Variants in MYT1L observed in about 807,000 individuals in gnomAD.
MYT1L encodes myelin transcription factor 1 like, also known as myelin transcription factor 1-like protein.
A neutral mutation model predicts 126.7 loss-of-function variants in MYT1L; 12 were observed. That is an observed-to-expected ratio of 0.09 (90% CI 0.06 to 0.15). The LOEUF is 0.15. Among genes scored for constraint, MYT1L ranks in the 10% least tolerant of loss-of-function variants. The probability of loss-of-function intolerance (pLI) is 1.00; values close to 1 mark genes in which losing one functional copy is unlikely to be tolerated. For synonymous variants in MYT1L, 541 were observed against 604.2 expected (o/e 0.90, Z 1.53); for missense variants, 979 against 1,585.2 (o/e 0.62, Z 6.49).
chr2:2,085,215 G>T (rs1255027220), intron 3 of MYT1L, among the ~76,000 whole-genome samples: 1 of 152,146 alleles, frequency 6.6e-6, no homozygotes, highest in Admixed American at 6.5e-5. Context: ...TTGGCTTTCT[G>T]ATTATTCTGC....
intron 10 of MYT1L, among the ~76,000 whole-genome samples, chr2:1,920,456 G>A (rs1409118097): frequency 2.0e-5 from 3 of 152,006 alleles, no homozygotes; most frequent in South Asian, 2.1e-4. Flanking sequence ...ATTACTTCAC[G>A]CCCAAACTCC....
chr2:2,255,650 G>T (rs1179689368), intron 2 of MYT1L, among the ~76,000 whole-genome samples: 1 of 152,154 alleles, frequency 6.6e-6, no homozygotes, highest in Non-Finnish European at 1.5e-5. Context: ...AATGAAGGCT[G>T]GGCCGTCATC....
chr2:1,816,329 G>C (rs193240228), intron 21 of MYT1L: 1 of 152,658 alleles, frequency 6.6e-6, no homozygotes, highest in Non-Finnish European at 1.5e-5. Flanking sequence ...TGGGGAAACC[G>C]GACAGGCCCC....
chr2:1,928,535 C>T (rs557951399), intron 9 of MYT1L, among the ~76,000 whole-genome samples: 1 of 152,124 alleles, frequency 6.6e-6, no homozygotes, highest in Admixed American at 6.5e-5. Flanking sequence ...AGTTCTCACC[C>T]CAGGGCCTCC....
intron 18 of MYT1L, among the ~76,000 whole-genome samples, chr2:1,875,318 A>G (rs570089596): frequency 6.6e-6 from 1 of 152,276 alleles, no homozygotes; most frequent in South Asian, 2.1e-4. Flanking sequence ...TGGATTTCAG[A>G]AAACAGGGAG....
At chr2:2,167,937 A>G (rs963325176) in intron 3 of MYT1L, among the ~76,000 whole-genome samples, 2 of 152,260 alleles carry the variant, frequency 1.3e-5, no homozygotes, top group African/African-American at 4.8e-5. Context: ...CGTTATATAA[A>G]TGCATAGGTT....
At chr2:2,174,459 C>A (rs1008326857) in intron 2 of MYT1L, among the ~76,000 whole-genome samples, 4 of 152,200 alleles carry the variant, frequency 2.6e-5, no homozygotes, top group African/African-American at 7.2e-5. Flanking sequence ...TCACCCTGGA[C>A]AAACAATGGC....
At position 2,005,787 on chromosome 2, in the gene MYT1L, C is replaced by T. The variant is rs532182934; in HGVS notation, c.-157-8440G>A. On this transcript the variant is annotated intron_variant, in intron 4 of 24. Coordinates refer to ENST00000647738, the MANE Select transcript of MYT1L (RefSeq NM_001303052.2). ...TCCTGCGTGCCTTCTTTCCTGTGTG[C>T]GTTCTTTCCTGTGTGCCTTTCCTGC... Among the ~76,000 whole-genome samples, 140 of 139,118 alleles carry T rather than the reference C, an allele frequency of 1.0e-3. 3 individuals are homozygous for T. The highest frequency in any genetic ancestry group is 3.3e-3 in the African/African-American group (118 of 36,282). The allele number at this position is 139,118 out of a possible 152,430, so 91.3% of individuals were successfully genotyped here.
At chr2:1,831,927 G>A (rs973120374) in intron 21 of MYT1L, among the ~76,000 whole-genome samples, 8 of 152,016 alleles carry the variant, frequency 5.3e-5, no homozygotes, top group South Asian at 2.1e-4. Flanking sequence ...ATTCCTACGC[G>A]GCTCTCCTCA....
rs567680126 is a variant in MYT1L at position 1,809,872 on chromosome 2, C to T, written c.3081-705G>A. Reference sequence around the variant, plus strand: ...ATGTGGCAGATGTGGCTGGCAGCCTCCGGGGCAGGAAGGCACCTCTGCCTC... The same window carrying T: ...ATGTGGCAGATGTGGCTGGCAGCCTTCGGGGCAGGAAGGCACCTCTGCCTC... On this transcript the variant is annotated intron_variant, in intron 21 of 24. Transcript: ENST00000647738. The T allele has an allele frequency of 3.9e-5, 6 of 152,408 alleles. No homozygotes were observed. In the East Asian group the frequency reaches 1.2e-3, roughly 29 times the overall value. The allele number at this position is 152,408 out of a possible 1,614,324, so 9.4% of individuals were successfully genotyped here.
intron 4 of MYT1L, among the ~76,000 whole-genome samples, chr2:2,009,213 A>T (rs2063592474): frequency 2.7e-5 from 4 of 147,176 alleles, no homozygotes; most frequent in Non-Finnish European, 3.0e-5. Flanking sequence ...ATTTTAGGAT[A>T]TTTTCCCAAT....
chr2:2,300,361 G>C (rs533164858), intron 1 of MYT1L, among the ~76,000 whole-genome samples: 2 of 152,166 alleles, frequency 1.3e-5, no homozygotes, highest in Non-Finnish European at 2.9e-5. Context: ...AACAGTGGAA[G>C]CAAAGCAGTA....
intron 4 of MYT1L, among the ~76,000 whole-genome samples, chr2:2,023,236 C>T (rs979947041): frequency 6.6e-6 from 1 of 152,164 alleles, no homozygotes; most frequent in African/African-American, 2.4e-5. Context: ...GGCACTTTAC[C>T]GAATCCTAGA....
At chr2:2,169,686 G>GACTAC (rs2089714678) in intron 3 of MYT1L, among the ~76,000 whole-genome samples, 1 of 152,064 alleles carries the variant, frequency 6.6e-6, no homozygotes, top group African/African-American at 2.4e-5. Flanking sequence ...GAGGATGTGG[G>GACTAC]AAAACAGGCC....
intron 9 of MYT1L, among the ~76,000 whole-genome samples, chr2:1,937,643 C>G (rs1420957875): frequency 6.6e-6 from 1 of 151,950 alleles, no homozygotes; most frequent in African/African-American, 2.4e-5. Flanking sequence ...CTGAGAAGGC[C>G]CTAACATCCG....
At chr2:2,165,008 C>A (rs1452131076) in intron 3 of MYT1L, among the ~76,000 whole-genome samples, 1 of 152,178 alleles carries the variant, frequency 6.6e-6, no homozygotes, top group African/African-American at 2.4e-5. Flanking sequence ...TTCCTCCTAA[C>A]CTGTAGGTAA....
At chr2:2,158,975 G>C (rs190794085) in intron 3 of MYT1L, among the ~76,000 whole-genome samples, 6 of 152,128 alleles carry the variant, frequency 3.9e-5, no homozygotes, top group African/African-American at 9.7e-5. Context: ...TCTCAGGATC[G>C]GTGTTACAGC....
intron 2 of MYT1L, among the ~76,000 whole-genome samples, chr2:2,254,816 A>G (rs1269183836): frequency 6.6e-6 from 1 of 152,184 alleles, no homozygotes; most frequent in Non-Finnish European, 1.5e-5. Flanking sequence ...CTGACCAAGA[A>G]AATTGTCCTC....
intron 4 of MYT1L, among the ~76,000 whole-genome samples, chr2:2,045,031 T>C (rs967864815): frequency 8.5e-5 from 13 of 152,190 alleles, no homozygotes; most frequent in African/African-American, 3.1e-4. Context: ...CATTTCCATG[T>C]AAATGAGGAG....
Sources: gnomAD v4.1 joint callset for allele counts (sites outside exome capture counted in the v4.1 genomes callset) on GRCh38, gnomAD v4.1.1 for gene constraint, MANE v1.5 for transcripts, NCBI Gene and HGNC (gene_info 2026-07-23, HGNC 2026-07-21) for gene names.